The following ADGRB3 variants were observed in gnomAD, a reference collection of about 807,000 sequenced individuals.
ADGRB3 encodes brain-specific angiogenesis inhibitor 3.
ADGRB3 carries 37 observed loss-of-function variants against 193.4 expected under a neutral mutation model. That is an observed-to-expected ratio of 0.19 (90% CI 0.15 to 0.25). The LOEUF is 0.25. Among genes scored for constraint, ADGRB3 ranks in the 10% least tolerant of loss-of-function variants. The pLI, the probability that ADGRB3 is intolerant of heterozygous loss-of-function variation, is 1.00. For synonymous variants in ADGRB3, 690 were observed against 644.2 expected (o/e 1.07, Z -1.08); for missense variants, 1,637 against 1,852.9 (o/e 0.88, Z 2.14).
In ADGRB3 at chr6:69,247,868, GGAATAATTATA is replaced by G. The variant is rs566111116; in HGVS notation, c.2814+8643_2814+8653del. ...CACTTCATTTTTGGGGGCCCCATTT[GGAATAATTATA>G]ATGGAGGTCAATTTTTTTTTATTAT... is the stretch of plus-strand genomic sequence containing the variant. On this transcript the variant is annotated intron_variant, in intron 20 of 31. Transcript: ENST00000370598. Among the ~76,000 whole-genome samples, 10 of 152,106 alleles carry G rather than the reference GGAATAATTATA, an allele frequency of 6.6e-5. No homozygotes were observed. The East Asian group carries it at 1.9e-3, about 29-fold the overall frequency.
chr6:68,899,896 G>C (rs57021370), intron 3 of ADGRB3, among the ~76,000 whole-genome samples: 2 of 151,820 alleles, frequency 1.3e-5, no homozygotes, highest in Admixed American at 1.3e-4. Flanking sequence ...AATACATAAA[G>C]AACTCTAATG....
chr6:68,851,420 T>C (rs1410056087), intron 3 of ADGRB3, among the ~76,000 whole-genome samples: 1 of 151,910 alleles, frequency 6.6e-6, no homozygotes, highest in Non-Finnish European at 1.5e-5. Context: ...ACTATGAAGA[T>C]ATTTTAGCTA....
chr6:69,200,568 CT>C (rs972368002), intron 17 of ADGRB3, among the ~76,000 whole-genome samples: 7 of 152,146 alleles, frequency 4.6e-5, no homozygotes, highest in African/African-American at 1.7e-4. Context: ...GCAATTTTTA[CT>C]TGACTAAAGG....
At chr6:68,748,612 A>G (rs911362645) in intron 3 of ADGRB3, among the ~76,000 whole-genome samples, 5 of 152,006 alleles carry the variant, frequency 3.3e-5, no homozygotes, top group Admixed American at 6.6e-5. Context: ...GGCTCCTTTC[A>G]TGGGCTGGCA....
chr6:68,645,145 A>T (rs1173054457), intron 3 of ADGRB3, among the ~76,000 whole-genome samples: 2 of 152,144 alleles, frequency 1.3e-5, no homozygotes, highest in African/African-American at 4.8e-5. Flanking sequence ...ATCAGTGTTC[A>T]TTTAAAAATA....
intron 3 of ADGRB3, among the ~76,000 whole-genome samples, chr6:68,791,227 AAAGGT>A (rs1372471461): frequency 6.6e-6 from 1 of 152,144 alleles, no homozygotes; most frequent in Non-Finnish European, 1.5e-5. Flanking sequence ...TAATCATTCT[AAAGGT>A]AATATTCATT....
intron 3 of ADGRB3, among the ~76,000 whole-genome samples, chr6:68,648,469 TTTG>T (rs1306905847): frequency 1.4e-5 from 2 of 142,734 alleles, no homozygotes; most frequent in Admixed American, 6.9e-5. Flanking sequence ...TGTGAGTTTT[TTTG>T]TTTTTTTTTT....
intron 17 of ADGRB3, among the ~76,000 whole-genome samples, chr6:69,139,965 A>G (rs1774279481): frequency 6.6e-6 from 1 of 152,256 alleles, no homozygotes; most frequent in Non-Finnish European, 1.5e-5. Context: ...AAGATAGTCT[A>G]ATTGCTGAAC....
chr6:68,989,068 T>G (rs1375537232), intron 10 of ADGRB3, among the ~76,000 whole-genome samples: 1 of 152,136 alleles, frequency 6.6e-6, no homozygotes, highest in Non-Finnish European at 1.5e-5. Context: ...AACCAGGCAC[T>G]TGGGGCTCCC....
At chr6:68,860,574 T>G (rs1267385945) in intron 3 of ADGRB3, among the ~76,000 whole-genome samples, 3 of 152,246 alleles carry the variant, frequency 2.0e-5, no homozygotes, top group Non-Finnish European at 2.9e-5. Flanking sequence ...TTTCATTCTT[T>G]TTTATGGCTA....
chr6:68,918,138 C>A (rs897937255), intron 3 of ADGRB3, among the ~76,000 whole-genome samples: 7 of 151,974 alleles, frequency 4.6e-5, no homozygotes, highest in Non-Finnish European at 7.4e-5. Flanking sequence ...TTCAGAGAAG[C>A]AAAATTGTAA....
At chr6:69,119,751 G>T (rs527445566) in intron 17 of ADGRB3, among the ~76,000 whole-genome samples, 1 of 152,316 alleles carries the variant, frequency 6.6e-6, no homozygotes, top group Non-Finnish European at 1.5e-5. Context: ...GGAGCATGGA[G>T]AGCTCAGAGA....
intron 3 of ADGRB3, among the ~76,000 whole-genome samples, chr6:68,900,227 A>T (rs1169307987): frequency 2.6e-5 from 4 of 152,194 alleles, no homozygotes; most frequent in African/African-American, 9.6e-5. Flanking sequence ...TAGCAATCTG[A>T]AAACAATTAC....
intron 17 of ADGRB3, among the ~76,000 whole-genome samples, chr6:69,188,971 C>T (rs572697681): frequency 1.3e-5 from 2 of 152,140 alleles, no homozygotes; most frequent in African/African-American, 4.8e-5. Context: ...ATCACAAATG[C>T]TCTTTGGTAT....
At chr6:69,239,678 A>G (rs1315060486) in intron 20 of ADGRB3, among the ~76,000 whole-genome samples, 2 of 152,198 alleles carry the variant, frequency 1.3e-5, no homozygotes, top group South Asian at 2.1e-4. Flanking sequence ...AAAAATATCC[A>G]TAGGCAATAA....
chr6:69,165,510 C>T (rs1180380517), intron 17 of ADGRB3, among the ~76,000 whole-genome samples: 3 of 151,182 alleles, frequency 2.0e-5, no homozygotes, highest in Non-Finnish European at 4.4e-5. Context: ...TTGATTTTTT[C>T]ATTTTGCAAC....
intron 17 of ADGRB3, among the ~76,000 whole-genome samples, chr6:69,084,237 G>C (rs1772483106): frequency 6.6e-6 from 1 of 152,044 alleles, no homozygotes; most frequent in Admixed American, 6.6e-5. Context: ...CTTGAGAAGA[G>C]GTAGATATAA....
At chr6:68,927,155 TA>T (rs67156631) in intron 3 of ADGRB3, among the ~76,000 whole-genome samples, 3,412 of 152,264 alleles carry the variant, frequency 0.022, 151 homozygotes, top group African/African-American at 0.078. Context: ...ATAAACCATG[TA>T]CCATGTGTAC....
chr6:68,927,376 A>G (rs1767210390), intron 3 of ADGRB3, among the ~76,000 whole-genome samples: 1 of 152,164 alleles, frequency 6.6e-6, no homozygotes. Context: ...CTATGCTAAA[A>G]GTTTACCTCA....
Sources: allele counts gnomAD v4.1 joint callset (sites outside exome capture counted in the v4.1 genomes callset), GRCh38; gene constraint gnomAD v4.1.1; transcripts MANE v1.5; gene names NCBI Gene and HGNC (gene_info 2026-07-23, HGNC 2026-07-21).